KSR2: variants seen among roughly 807,000 people sequenced by gnomAD.
The protein encoded by KSR2 is kinase suppressor of ras 2.
KSR2 carries 25 observed loss-of-function variants against 107.8 expected under a neutral mutation model. The ratio of observed to expected loss-of-function variants is 0.23; its 90% CI spans 0.17 to 0.32. The LOEUF is 0.32. KSR2 is among the 10% of genes least tolerant of loss of function. KSR2 has a pLI of 1.00. For missense variants in KSR2, 887 were observed against 1,268.9 expected (o/e 0.70, Z 4.57); for synonymous variants, 480 against 507.0 (o/e 0.95, Z 0.71).
At chr12:117,843,931 T>C (rs1351409672) in intron 3 of KSR2, among the ~76,000 whole-genome samples, 1 of 140,948 alleles carries the variant, frequency 7.1e-6, no homozygotes, top group Non-Finnish European at 1.6e-5. Flanking sequence ...AAGCTTCCCT[T>C]TTTTTTTTTT....
intron 14 of KSR2, among the ~76,000 whole-genome samples, chr12:117,502,155 G>A (rs375614891): frequency 9.2e-5 from 14 of 152,206 alleles, no homozygotes; most frequent in South Asian, 4.1e-4. Flanking sequence ...GTATGTCTGC[G>A]TCTGTGACTA....
At chr12:117,850,766 G>A (rs994432672) in intron 3 of KSR2, among the ~76,000 whole-genome samples, 1 of 148,662 alleles carries the variant, frequency 6.7e-6, no homozygotes, top group Non-Finnish European at 1.5e-5. Context: ...CCAAGATTGC[G>A]CCACTACACT....
chr12:117,765,507 G>A (rs1463426507), intron 3 of KSR2, among the ~76,000 whole-genome samples: 1 of 152,180 alleles, frequency 6.6e-6, no homozygotes, highest in African/African-American at 2.4e-5. Context: ...AGGGTGCAGT[G>A]AGAATTAAAT....
At chr12:117,921,566 C>T (rs1412145243) in intron 1 of KSR2, among the ~76,000 whole-genome samples, 1 of 152,146 alleles carries the variant, frequency 6.6e-6, no homozygotes, top group South Asian at 2.1e-4. Flanking sequence ...GTCAAGCAGA[C>T]CTAGACTCTG....
chr12:117,699,514 C>T (rs1012115984), intron 4 of KSR2, among the ~76,000 whole-genome samples: 2 of 152,212 alleles, frequency 1.3e-5, no homozygotes, highest in African/African-American at 2.4e-5. Context: ...CAAATCAGTA[C>T]AGCATGTTAC....
At chr12:117,475,201 C>T (rs1453837315) in intron 17 of KSR2, among the ~76,000 whole-genome samples, 3 of 152,140 alleles carry the variant, frequency 2.0e-5, no homozygotes, top group African/African-American at 7.2e-5. Context: ...TGTCACTCCC[C>T]CTTCCCCCAG....
At chr12:117,737,836 C>T (rs1321635476) in intron 4 of KSR2, among the ~76,000 whole-genome samples, 3 of 137,428 alleles carry the variant, frequency 2.2e-5, no homozygotes, top group African/African-American at 7.9e-5. Context: ...TCTTAAGCAA[C>T]GAACACATCT....
chr12:117,640,914 A>G (rs1277304936), intron 5 of KSR2, among the ~76,000 whole-genome samples: 1 of 152,142 alleles, frequency 6.6e-6, no homozygotes, highest in Admixed American at 6.6e-5. Context: ...TCCCAGACTG[A>G]TTATACAGTC....
intron 1 of KSR2, among the ~76,000 whole-genome samples, chr12:117,921,460 G>A (rs900430703): frequency 6.6e-6 from 1 of 151,904 alleles, no homozygotes; most frequent in Admixed American, 6.6e-5. Flanking sequence ...TTGCTACATT[G>A]TCCAGGCTGG....
chr12:117,670,902 G>C (rs1884880873), intron 4 of KSR2, among the ~76,000 whole-genome samples: 1 of 152,148 alleles, frequency 6.6e-6, no homozygotes, highest in African/African-American at 2.4e-5. Context: ...CCATGGTCCA[G>C]TTCAAATGCT....
At chr12:117,732,939 C>T (rs1031629794) in intron 4 of KSR2, among the ~76,000 whole-genome samples, 4 of 152,204 alleles carry the variant, frequency 2.6e-5, no homozygotes, top group African/African-American at 9.7e-5. Context: ...CCCTCCTCTG[C>T]CATCAGCCGC....
At chr12:117,494,261 G>A (rs1872903492) in intron 14 of KSR2, among the ~76,000 whole-genome samples, 1 of 151,848 alleles carries the variant, frequency 6.6e-6, no homozygotes, top group Non-Finnish European at 1.5e-5. Flanking sequence ...TCACCACTCT[G>A]TAGTGTACCA....
chr12:117,963,263 C>T (rs1326815775), intron 1 of KSR2, among the ~76,000 whole-genome samples: 2 of 151,820 alleles, frequency 1.3e-5, no homozygotes, highest in African/African-American at 4.8e-5. Context: ...AGCACAGAGT[C>T]GAGTAGCTTT....
At chr12:117,776,329 TC>T (rs1266301919) in intron 3 of KSR2, among the ~76,000 whole-genome samples, 1 of 152,158 alleles carries the variant, frequency 6.6e-6, no homozygotes, top group Non-Finnish European at 1.5e-5. Context: ...ACAAAGCCCT[TC>T]CTGGTTAAAA....
At chr12:117,474,788 C>T (rs1041163156) in intron 17 of KSR2, among the ~76,000 whole-genome samples, 1 of 152,112 alleles carries the variant, frequency 6.6e-6, no homozygotes, top group African/African-American at 2.4e-5. Flanking sequence ...CTATACTAGT[C>T]GTGTAGAGGC....
At chr12:117,560,477 AG>A (rs1878034711) in intron 7 of KSR2, among the ~76,000 whole-genome samples, 1 of 152,070 alleles carries the variant, frequency 6.6e-6, no homozygotes, top group Non-Finnish European at 1.5e-5. Flanking sequence ...GTGAGACGTA[AG>A]CCCCTCTCCA....
chr12:117,741,464 G>A (rs1238867717), intron 4 of KSR2, among the ~76,000 whole-genome samples: 3 of 152,182 alleles, frequency 2.0e-5, no homozygotes, highest in Non-Finnish European at 4.4e-5. Context: ...TGTCGAGGCT[G>A]CAGTGAGCTA....
chr12:117,774,908 A>G (rs1316588604), intron 3 of KSR2, among the ~76,000 whole-genome samples: 1 of 152,128 alleles, frequency 6.6e-6, no homozygotes, highest in African/African-American at 2.4e-5. Context: ...TATGAATGGA[A>G]TCCTACGCTA....
chr12:117,486,221 C>T (rs915822683), intron 14 of KSR2, among the ~76,000 whole-genome samples: 6 of 152,170 alleles, frequency 3.9e-5, no homozygotes, highest in African/African-American at 1.4e-4. Context: ...CCAAACCAGA[C>T]GCCTGTCTAG....
Sources: gnomAD v4.1 joint callset for allele counts (sites outside exome capture counted in the v4.1 genomes callset) on GRCh38, gnomAD v4.1.1 for gene constraint, MANE v1.5 for transcripts, NCBI Gene and HGNC (gene_info 2026-07-23, HGNC 2026-07-21) for gene names.